Variants in ACTR3C observed in about 807,000 individuals in gnomAD.
ACTR3C encodes actin-related protein 3C.
In ACTR3C, 18 loss-of-function variants were observed where a neutral mutation model predicts 26.3. The ratio of observed to expected loss-of-function variants is 0.68; its 90% CI spans 0.47 to 1.01. The LOEUF (loss-of-function observed/expected upper bound fraction) is 1.01. Ranked by LOEUF, ACTR3C falls within the 50% of genes least tolerant of loss-of-function variation. The pLI, the probability that ACTR3C is intolerant of heterozygous loss-of-function variation, is 0.00. For missense variants in ACTR3C, 184 were observed against 250.7 expected, an observed-to-expected ratio of 0.73 and a Z score of 1.80; for synonymous variants, 55 against 94.5, an observed-to-expected ratio of 0.58 and a Z score of 2.42.
At chr7:150,056,554 G>T in the ACTR3C span, among the ~76,000 whole-genome samples, 3 of 152,132 alleles carry the variant, frequency 2.0e-5, no homozygotes, top group Admixed American at 2.0e-4. Context: ...TGCTTGAGAG[G>T]TACCACCGAA....
chr7:150,301,356 C>T (rs1359428895), intron 1 of ACTR3C, among the ~76,000 whole-genome samples: 1 of 152,202 alleles, frequency 6.6e-6, no homozygotes, highest in Non-Finnish European at 1.5e-5. Context: ...GAAGCAAAAA[C>T]AGACCTGTAG....
the ACTR3C span, among the ~76,000 whole-genome samples, chr7:150,199,938 C>T: frequency 6.6e-6 from 1 of 152,070 alleles, no homozygotes; most frequent in Non-Finnish European, 1.5e-5. Flanking sequence ...TAACTGTTAT[C>T]ATTTGTGGAC....
the ACTR3C span, among the ~76,000 whole-genome samples, chr7:150,130,782 G>A: frequency 1.3e-5 from 2 of 152,250 alleles, no homozygotes; most frequent in South Asian, 2.1e-4. Flanking sequence ...TCCATATAAC[G>A]AAATTCTACA....
chr7:150,285,870 T>G lies in ACTR3C; in HGVS notation c.471+497A>C, dbSNP rs887815818. On this transcript the variant is annotated intron_variant, in intron 5 of 7. Transcript: ENST00000683684. Reference sequence around the variant, plus strand: ...ATGACATTTCTAATTCTTAAGATTATCTAAATAATAGAAATGCTGGCCTTA... The same window carrying G: ...ATGACATTTCTAATTCTTAAGATTAGCTAAATAATAGAAATGCTGGCCTTA... Among the ~76,000 whole-genome samples, 5 of 152,324 alleles carry G rather than the reference T, an allele frequency of 3.3e-5. No individual in the cohort carries two copies. The South Asian group carries it at 1.0e-3, about 32-fold the overall frequency.
At chr7:150,070,118 G>A in the ACTR3C span, among the ~76,000 whole-genome samples, 1,651 of 152,300 alleles carry the variant, frequency 0.011, 37 homozygotes, top group African/African-American at 0.038. Context: ...CCACAGCTTT[G>A]GAGCAGCAGG....
At chr7:149,925,879 T>C in the ACTR3C span, among the ~76,000 whole-genome samples, 1 of 152,210 alleles carries the variant, frequency 6.6e-6, no homozygotes, top group African/African-American at 2.4e-5. Flanking sequence ...CTGACCAATA[T>C]GGTGAAACCC....
downstream of ACTR3C, among the ~76,000 whole-genome samples, chr7:150,239,532 C>CTATATATATA (rs1339201217): frequency 2.5e-5 from 3 of 121,246 alleles, no homozygotes; most frequent in African/African-American, 3.6e-5. Flanking sequence ...CTCTCTCTCT[C>CTATATATATA]TCTCTCTCTA....
At chr7:150,071,325 C>T in the ACTR3C span, among the ~76,000 whole-genome samples, 191 of 150,360 alleles carry the variant, frequency 1.3e-3, no homozygotes, top group African/African-American at 4.5e-3. Flanking sequence ...GGGGTTTCAC[C>T]ATGTTAGCCA....
the ACTR3C span, among the ~76,000 whole-genome samples, chr7:150,120,797 A>T: frequency 2.0e-5 from 3 of 152,222 alleles, no homozygotes; most frequent in Non-Finnish European, 2.9e-5. Flanking sequence ...AGAAAATTTC[A>T]GGCCAATATC....
At chr7:150,037,934 C>T in the ACTR3C span, among the ~76,000 whole-genome samples, 1,465 of 138,424 alleles carry the variant, frequency 0.011, 157 homozygotes, top group African/African-American at 0.021. Flanking sequence ...GGTGCCTCCC[C>T]CCCTGCGATG....
the ACTR3C span, among the ~76,000 whole-genome samples, chr7:150,238,908 G>A: frequency 6.8e-6 from 1 of 147,678 alleles, no homozygotes; most frequent in African/African-American, 2.6e-5. Context: ...TGTACCAAAT[G>A]TTATTTCTAA....
the ACTR3C span, among the ~76,000 whole-genome samples, chr7:149,911,748 T>G: frequency 6.6e-6 from 1 of 152,058 alleles, no homozygotes; most frequent in Admixed American, 6.6e-5. Flanking sequence ...TTCAGGCTAT[T>G]ATATCATTTT....
At chr7:149,951,253 C>T in the ACTR3C span, among the ~76,000 whole-genome samples, 20 of 123,166 alleles carry the variant, frequency 1.6e-4, no homozygotes, top group African/African-American at 7.6e-4. Flanking sequence ...CCGTAGCTGG[C>T]ACCCTCCTTG....
At chr7:149,913,118 G>C in the ACTR3C span, among the ~76,000 whole-genome samples, 1 of 151,994 alleles carries the variant, frequency 6.6e-6, no homozygotes, top group Non-Finnish European at 1.5e-5. Context: ...ATATAACTCA[G>C]TAGATGTCAT....
intron 6 of ACTR3C, among the ~76,000 whole-genome samples, chr7:150,253,352 C>T (rs552647999): frequency 4.1e-4 from 63 of 152,226 alleles, no homozygotes; most frequent in African/African-American, 1.5e-3. Context: ...TGCAAATGGC[C>T]CTCAAGTCTC....
At chr7:150,253,267 A>C (rs1345164259) in intron 6 of ACTR3C, among the ~76,000 whole-genome samples, 1 of 152,174 alleles carries the variant, frequency 6.6e-6, no homozygotes, top group Non-Finnish European at 1.5e-5. Context: ...GGACAGAGCA[A>C]ATTATCTTAC....
At chr7:150,097,006 G>T in the ACTR3C span, among the ~76,000 whole-genome samples, 2 of 152,216 alleles carry the variant, frequency 1.3e-5, no homozygotes, top group Non-Finnish European at 2.9e-5. Flanking sequence ...ACACAGTGAG[G>T]CACACCCCAG....
At chr7:150,298,952 C>T (rs1795173163) in intron 1 of ACTR3C, among the ~76,000 whole-genome samples, 1 of 148,838 alleles carries the variant, frequency 6.7e-6, no homozygotes, top group Admixed American at 6.7e-5. Flanking sequence ...TATCCTTCTG[C>T]TTCAACAATT....
At chr7:150,266,752 T>C (rs1035273674) in intron 6 of ACTR3C, among the ~76,000 whole-genome samples, 1 of 152,074 alleles carries the variant, frequency 6.6e-6, no homozygotes, top group Non-Finnish European at 1.5e-5. Flanking sequence ...CAATGAAAAA[T>C]GGGCAAAAGA....
Sources: gnomAD v4.1 joint callset for allele counts (sites outside exome capture counted in the v4.1 genomes callset) on GRCh38, gnomAD v4.1.1 for gene constraint, MANE v1.5 for transcripts, NCBI Gene and HGNC (gene_info 2026-07-23, HGNC 2026-07-21) for gene names.